The following SDCCAG8 variants were observed in gnomAD, a reference collection of about 807,000 sequenced individuals.
The protein encoded by SDCCAG8 is SHH signaling and ciliogenesis regulator SDCCAG8.
Under a neutral mutation model 101.8 loss-of-function variants are expected in SDCCAG8, and 74 were observed. That is an observed-to-expected ratio of 0.73 (90% confidence interval 0.60 to 0.88). The LOEUF is 0.88. Among genes scored for constraint, SDCCAG8 ranks in the 40% least tolerant of loss-of-function variants. The pLI is 0.00. For synonymous variants in SDCCAG8, 281 were observed against 292.9 expected, an observed-to-expected ratio of 0.96 and a Z score of 0.41; for missense variants, 787 against 822.6, an observed-to-expected ratio of 0.96 and a Z score of 0.53.
At chr1:243,467,675 A>G (rs1168165829) in intron 16 of SDCCAG8, among the ~76,000 whole-genome samples, 1 of 152,250 alleles carries the variant, frequency 6.6e-6, no homozygotes, top group Admixed American at 6.5e-5. Flanking sequence ...TTACTGAAAG[A>G]CTATTCTCTT....
chr1:243,386,924 A>G (rs951478614), intron 13 of SDCCAG8, among the ~76,000 whole-genome samples: 1 of 152,192 alleles, frequency 6.6e-6, no homozygotes, highest in Non-Finnish European at 1.5e-5. Context: ...ACATATTATA[A>G]TGCCATTGTC....
At chr1:243,421,917 C>T (rs1273255342) in intron 15 of SDCCAG8, among the ~76,000 whole-genome samples, 1 of 152,178 alleles carries the variant, frequency 6.6e-6, no homozygotes, top group Non-Finnish European at 1.5e-5. Context: ...GAAGTGTTCT[C>T]TCTCCCCACG....
chr1:243,470,083 G>A (rs887797274), intron 16 of SDCCAG8, among the ~76,000 whole-genome samples: 3 of 151,832 alleles, frequency 2.0e-5, no homozygotes, highest in Non-Finnish European at 4.4e-5. Context: ...AACCATGTCT[G>A]GTTAACAACA....
intron 6 of SDCCAG8, among the ~76,000 whole-genome samples, chr1:243,294,506 C>G (rs12728648): frequency 9.4e-6 from 1 of 105,884 alleles, no homozygotes; most frequent in African/African-American, 3.2e-5. Context: ...AGAGAAAGAG[C>G]GAGAGAGAGA....
intron 12 of SDCCAG8, among the ~76,000 whole-genome samples, chr1:243,359,993 T>A (rs966147169): frequency 3.3e-5 from 5 of 152,166 alleles, no homozygotes; most frequent in African/African-American, 9.7e-5. Context: ...GGTATCTCAT[T>A]GTGGTTTTAA....
chr1:243,498,569 A>G lies in SDCCAG8; in HGVS notation c.2113-1187A>G, dbSNP rs565607082. Among the ~76,000 whole-genome samples, 11 of 152,346 alleles carry G rather than the reference A, an allele frequency of 7.2e-5. No homozygotes were observed. In the East Asian group the frequency reaches 2.1e-3, roughly 29 times the overall value. ...CACTACTCACAGACCTGTTCAAGAA[A>G]AAGTTGTCCTCAGGGTCTCTCACAC... On this transcript the variant is annotated intron_variant, in intron 17 of 17. Coordinates refer to ENST00000366541, the MANE Select transcript of SDCCAG8 (RefSeq NM_006642.5).
chr1:243,294,501 A>AAGAGTGAGAGAGAGAGAGAGAGAG (rs2070627731), intron 6 of SDCCAG8, among the ~76,000 whole-genome samples: 6 of 26,684 alleles, frequency 2.2e-4, no homozygotes, highest in African/African-American at 7.5e-4. Context: ...GAGAGAGAGA[A>AAGAGTGAGAGAGAGAGAGAGAGAG]AGAGCGAGAG....
chr1:243,380,731 A>G (rs1233001903), intron 13 of SDCCAG8, among the ~76,000 whole-genome samples: 2 of 152,062 alleles, frequency 1.3e-5, no homozygotes, highest in East Asian at 3.9e-4. Flanking sequence ...TAAAATTTAA[A>G]CGTAGTTTTA....
chr1:243,345,102 AAAT>A (rs1181926380), intron 12 of SDCCAG8, among the ~76,000 whole-genome samples: 3 of 152,190 alleles, frequency 2.0e-5, no homozygotes, highest in Non-Finnish European at 4.4e-5. Flanking sequence ...CAATATTTTA[AAAT>A]AATTGTTTTA....
chr1:243,473,887 A>C (rs1458539898), intron 16 of SDCCAG8, among the ~76,000 whole-genome samples: 1 of 106,716 alleles, frequency 9.4e-6, no homozygotes, highest in African/African-American at 3.7e-5. Context: ...GAGGGGTCTT[A>C]CAAATGAGTT....
chr1:243,306,341 T>C (rs1279016419), intron 7 of SDCCAG8: 1 of 152,162 alleles, frequency 6.6e-6, no homozygotes, highest in African/African-American at 2.4e-5. Flanking sequence ...TAAAGTGATG[T>C]ATTTCTAGAT....
intron 9 of SDCCAG8, among the ~76,000 whole-genome samples, chr1:243,319,178 C>A (rs534403465): frequency 7.9e-4 from 120 of 152,004 alleles, no homozygotes; most frequent in Non-Finnish European, 9.7e-4. Context: ...GGATCCACCC[C>A]CATGACCCAA....
In SDCCAG8 at chr1:243,296,511, C is replaced by G. The variant is rs1054646051; in HGVS notation, c.675+3292C>G. Among the ~76,000 whole-genome samples, 16 of 146,084 alleles carry G rather than the reference C, an allele frequency of 1.1e-4. No homozygotes were observed. In the East Asian group the frequency reaches 3.3e-3, roughly 30 times the overall value. ...CAGTATGCTTCAGTTGAGCTTCGTC[C>G]CCCTGTAGTCCACCCCAACTGCTCT... On this transcript the variant is annotated intron_variant, in intron 6 of 17. Coordinates refer to ENST00000366541, the MANE Select transcript of SDCCAG8 (RefSeq NM_006642.5).
intron 13 of SDCCAG8, among the ~76,000 whole-genome samples, chr1:243,412,231 A>G (rs1265695503): frequency 4.6e-5 from 7 of 152,134 alleles, no homozygotes; most frequent in African/African-American, 1.7e-4. Flanking sequence ...TTGAATGCCT[A>G]CGTGCTTTTT....
chr1:243,451,916 C>T (rs1041122952), intron 16 of SDCCAG8, among the ~76,000 whole-genome samples: 1 of 152,080 alleles, frequency 6.6e-6, no homozygotes, highest in African/African-American at 2.4e-5. Flanking sequence ...GCAGTAGAGC[C>T]AGACTTTGTC....
intron 9 of SDCCAG8, among the ~76,000 whole-genome samples, chr1:243,329,403 T>C (rs948287043): frequency 6.6e-6 from 1 of 152,210 alleles, no homozygotes; most frequent in African/African-American, 2.4e-5. Flanking sequence ...ATTTATTGTC[T>C]GTATTTATTA....
chr1:243,278,779 A>G (rs1027466805), intron 4 of SDCCAG8, among the ~76,000 whole-genome samples: 1 of 151,710 alleles, frequency 6.6e-6, no homozygotes, highest in Non-Finnish European at 1.5e-5. Flanking sequence ...TAAATTTTTC[A>G]TTTATTTTAA....
chr1:243,270,938 C>A, intron 2 of SDCCAG8, 40 bp from the exon 3 acceptor site: 1 of 1,445,938 alleles, frequency 6.9e-7, no homozygotes, highest in Non-Finnish European at 9.7e-7. Flanking sequence ...AACCATGGAT[C>A]TCAAATAAGG....
chr1:243,307,616 C>T (rs2149319045), intron 7 of SDCCAG8: 1 of 984,986 alleles, frequency 1.0e-6, no homozygotes, highest in Non-Finnish European at 1.2e-6. Context: ...TACCCCACCC[C>T]TTTTTTAAGG....
Sources: allele counts gnomAD v4.1 joint callset (sites outside exome capture counted in the v4.1 genomes callset), GRCh38; gene constraint gnomAD v4.1.1; transcripts MANE v1.5; gene names NCBI Gene and HGNC (gene_info 2026-07-23, HGNC 2026-07-21).